The following PSMD12 variants were observed in gnomAD, a reference collection of about 807,000 sequenced individuals.
PSMD12 encodes the protein 26S proteasome non-ATPase regulatory subunit 12.
Under a neutral mutation model 62.9 loss-of-function variants are expected in PSMD12, and 8 were observed. That is an observed-to-expected ratio of 0.13 (90% CI 0.07 to 0.23). The LOEUF is 0.23. PSMD12 is among the 10% of genes least tolerant of loss of function. PSMD12 has a pLI of 1.00. For synonymous variants in PSMD12, 173 were observed against 187.4 expected (o/e 0.92, Z 0.63); for missense variants, 424 against 550.2 (o/e 0.77, Z 2.29).
intron 3 of PSMD12, among the ~76,000 whole-genome samples, 181 bp from the exon 4 acceptor site, chr17:67,350,517 A>G (rs771146903): frequency 2.0e-5 from 3 of 152,238 alleles, no homozygotes; most frequent in Non-Finnish European, 4.4e-5. Context: ...AGTACCCCGT[A>G]ACAAGTCAGT....
intron 10 of PSMD12, 106 bp downstream of exon 10, chr17:67,342,080 A>T: frequency 1.2e-6 from 1 of 866,876 alleles, no homozygotes; most frequent in Non-Finnish European, 1.8e-6. Context: ...TTACTCTATT[A>T]CCTAAACATA....
intron 1 of PSMD12, among the ~76,000 whole-genome samples, chr17:67,361,441 G>A (rs552990419): frequency 6.6e-6 from 1 of 152,260 alleles, no homozygotes; most frequent in South Asian, 2.1e-4. Flanking sequence ...ATTTAGCCGG[G>A]CGTGGTGGTA....
chr17:67,344,542 A>G (rs556575759), intron 9 of PSMD12, 64 bp downstream of exon 9: 1 of 1,424,180 alleles, frequency 7.0e-7, no homozygotes, highest in East Asian at 2.3e-5. Context: ...CCAAAATTTA[A>G]TTCTAAAAAG....
intron 3 of PSMD12, 25 bp downstream of exon 3, chr17:67,357,278 G>A (rs374303123): frequency 6.3e-7 from 1 of 1,589,892 alleles, no homozygotes; most frequent in Admixed American, 1.8e-5. Context: ...TTTTGTGTTT[G>A]GAGCAGACAT....
At chr17:67,363,371 C>G (rs2042152005) in intron 1 of PSMD12, among the ~76,000 whole-genome samples, 1 of 152,186 alleles carries the variant, frequency 6.6e-6, no homozygotes, top group African/African-American at 2.4e-5. Context: ...CCTCAAACTC[C>G]TGGCCTCAAG....
At chr17:67,353,993 A>G (rs2042043292) in intron 3 of PSMD12, among the ~76,000 whole-genome samples, 2 of 145,798 alleles carry the variant, frequency 1.4e-5, no homozygotes, top group South Asian at 4.3e-4. Context: ...AAGATGTGCT[A>G]TGATTACTTG....
At chr17:67,360,039 C>T (rs1159644940) in intron 1 of PSMD12, among the ~76,000 whole-genome samples, 1 of 152,296 alleles carries the variant, frequency 6.6e-6, no homozygotes, top group Admixed American at 6.5e-5. Flanking sequence ...ATCCGGGGCT[C>T]CTGCCTCAAG....
At chr17:67,348,437 A>C (rs2041988087) in intron 5 of PSMD12, 113 bp downstream of exon 5, 2 of 870,552 alleles carry the variant, frequency 2.3e-6, no homozygotes, top group Admixed American at 5.2e-5. Context: ...ATCAAAATCC[A>C]AAATAATTAT....
intron 1 of PSMD12, among the ~76,000 whole-genome samples, chr17:67,364,155 TC>T (rs1240196547): frequency 3.9e-5 from 6 of 151,996 alleles, no homozygotes; most frequent in Non-Finnish European, 7.4e-5. Flanking sequence ...TGAAACTGGC[TC>T]GGTATCAAAA....
chr17:67,350,085 T>C (rs2042003297), intron 4 of PSMD12, 144 bp downstream of exon 4: 2 of 490,022 alleles, frequency 4.1e-6, no homozygotes, highest in Admixed American at 4.0e-5. Flanking sequence ...AAAGACATTA[T>C]TGGTTGAATT....
rs779163691 is a variant in PSMD12, at chr17:67,366,503, G to A, written c.17C>T (p.Ser6Leu). Residue 6 changes from serine to leucine, a missense_variant, in exon 1 of 11, where the codon TCG becomes TTG. Ser to Leu is a moderately radical substitution (Grantham distance 145). Coordinates refer to ENST00000356126, the MANE Select transcript of PSMD12 (RefSeq NM_002816.5). MADGGSERADGRIVKM... is the reference protein window; with the variant it reads MADGGLERADGRIVKM... ...GACGATGCGCCCGTCAGCCCGCTCC[G>A]AGCCGCCGTCCGCCATGGTCCCCGC... 8.1e-6 allele frequency: 13 copies of A among 1,607,458 alleles called. No individual in the cohort carries two copies. In the Admixed American group the frequency reaches 2.0e-4, roughly 25 times the overall value.
chr17:67,353,565 C>T (rs566036804), intron 3 of PSMD12, among the ~76,000 whole-genome samples: 30 of 152,256 alleles, frequency 2.0e-4, no homozygotes, highest in Non-Finnish European at 4.0e-4. Flanking sequence ...CCTCGACCTC[C>T]CAAAGTGCTA....
intron 1 of PSMD12, among the ~76,000 whole-genome samples, chr17:67,359,352 C>G (rs1000133585): frequency 2.6e-5 from 4 of 152,094 alleles, no homozygotes; most frequent in African/African-American, 9.7e-5. Context: ...GAGACCTGGT[C>G]TCTAGATAAA....
At chr17:67,361,084 C>T (rs1048768030) in intron 1 of PSMD12, 2 of 152,148 alleles carry the variant, frequency 1.3e-5, no homozygotes, top group Admixed American at 6.5e-5. Flanking sequence ...AGAAAGCTAT[C>T]CAAAACCAAC....
At chr17:67,356,507 G>A (rs11868426) in intron 3 of PSMD12, among the ~76,000 whole-genome samples, 61,750 of 125,666 alleles carry the variant, frequency 0.49, 14,994 homozygotes, top group Non-Finnish European at 0.54. Flanking sequence ...GCAGTGAGCC[G>A]AGATCGCGCC....
intron 9 of PSMD12, among the ~76,000 whole-genome samples, chr17:67,344,228 G>A (rs1745370212): frequency 6.6e-6 from 1 of 152,212 alleles, no homozygotes; most frequent in Admixed American, 6.5e-5. Context: ...CCCATTCTTC[G>A]GAAATTCTGT....
At chr17:67,341,469 CAAAAAAA>C (rs71368819) in intron 10 of PSMD12, among the ~76,000 whole-genome samples, 10 of 51,130 alleles carry the variant, frequency 2.0e-4, no homozygotes, top group East Asian at 7.4e-4. Flanking sequence ...GACTCTGCCT[CAAAAAAA>C]AAAAAAAAAA....
At position 67,340,811 on chromosome 17, in the gene PSMD12, A is replaced by G. The variant is rs761514139; in HGVS notation, c.*32T>C. 8.7e-6 allele frequency: 13 copies of G among 1,492,384 alleles called. No individual in the cohort carries two copies. The East Asian group carries it at 3.0e-4, about 34-fold the overall frequency. 92.4% of individuals were successfully genotyped at this position (1,492,384 alleles called of 1,614,324 possible). A position where few individuals can be genotyped will look rare whatever the true frequency, so the allele number is the denominator to read the frequency against. On this transcript the variant is annotated 3_prime_UTR_variant, in exon 11 of 11. Coordinates refer to ENST00000356126, the MANE Select transcript of PSMD12 (RefSeq NM_002816.5). ...TAACAGTCTTTTTTTAATGACTTCCAATTTTAACTTTTTTCTAAAGCACTA... is the reference window on the plus strand; with the variant it reads ...TAACAGTCTTTTTTTAATGACTTCCGATTTTAACTTTTTTCTAAAGCACTA...
chr17:67,343,659 C>T (rs147588378), intron 9 of PSMD12, among the ~76,000 whole-genome samples: 23 of 152,250 alleles, frequency 1.5e-4, no homozygotes, highest in Admixed American at 1.2e-3. Context: ...TTTATAAGTA[C>T]GTCTTTCCCT....
Sources: allele counts gnomAD v4.1 joint callset (sites outside exome capture counted in the v4.1 genomes callset), GRCh38; gene constraint gnomAD v4.1.1; transcripts MANE v1.5; gene names NCBI Gene and HGNC (gene_info 2026-07-23, HGNC 2026-07-21).